Variants in SLF1 observed in about 807,000 individuals in gnomAD.
SLF1 encodes the protein SMC5-SMC6 complex localization factor protein 1.
A neutral mutation model predicts 123.0 loss-of-function variants in SLF1; 105 were observed. That is an observed-to-expected ratio of 0.85 (90% CI 0.73 to 1.00). The LOEUF (loss-of-function observed/expected upper bound fraction) is 1.00. Among genes scored for constraint, SLF1 ranks in the 50% least tolerant of loss-of-function variants. SLF1 has a pLI of 0.00. For synonymous variants in SLF1, 434 were observed against 406.6 expected, an observed-to-expected ratio of 1.07 and a Z score of -0.81; for missense variants, 1,239 against 1,223.0, an observed-to-expected ratio of 1.01 and a Z score of -0.20.
At chr5:94,675,904 A>ATTTTTTTTTTTTTTTTTTTTTTTTT (rs70978120) in intron 14 of SLF1, among the ~76,000 whole-genome samples, 1 of 121,716 alleles carries the variant, frequency 8.2e-6, no homozygotes, top group Non-Finnish European at 1.7e-5. Context: ...CAACTGGTTG[A>ATTTTTTTTTTTTTTTTTTTTTTTTT]TTTTTTTTTT....
chr5:94,693,457 A>G (rs951337507), intron 20 of SLF1, among the ~76,000 whole-genome samples: 1 of 151,992 alleles, frequency 6.6e-6, no homozygotes, highest in African/African-American at 2.4e-5. Context: ...TATACCAACC[A>G]ATGTGAATTT....
intron 16 of SLF1, among the ~76,000 whole-genome samples, chr5:94,686,985 C>G (rs577877579): frequency 1.3e-5 from 2 of 152,212 alleles, no homozygotes; most frequent in Admixed American, 1.3e-4. Flanking sequence ...GACGGGGTCT[C>G]GATCTCCTGA....
chr5:94,623,473 C>CT (rs1261017957), intron 1 of SLF1, among the ~76,000 whole-genome samples: 5 of 151,802 alleles, frequency 3.3e-5, no homozygotes, highest in Admixed American at 3.3e-4. Flanking sequence ...GTCATGCTCT[C>CT]TTTTTTGCTT....
In SLF1 at chr5:94,687,572, G is replaced by A. The variant is rs1015282556; in HGVS notation, c.2121+854G>A. 2.0e-5 allele frequency among the ~76,000 whole-genome samples: 3 copies of A among 152,190 alleles called. No individual in the cohort carries two copies. The South Asian group carries it at 6.2e-4, about 32-fold the overall frequency. ...TAGCTGGGCATGGTGGCACATGCCTGTGGTCCCAGCTACTCGGGAGGCTGA... is the reference window on the plus strand; with the variant it reads ...TAGCTGGGCATGGTGGCACATGCCTATGGTCCCAGCTACTCGGGAGGCTGA... On this transcript the variant is annotated intron_variant, in intron 16 of 20. Transcript: ENST00000265140.
intron 9 of SLF1, among the ~76,000 whole-genome samples, chr5:94,657,339 T>A (rs1355931694): frequency 6.6e-6 from 1 of 152,056 alleles, no homozygotes; most frequent in Non-Finnish European, 1.5e-5. Context: ...TATTTACGTG[T>A]ATTTGTACAG....
chr5:94,679,700 TG>T (rs1446847330), intron 15 of SLF1, among the ~76,000 whole-genome samples: 1 of 152,162 alleles, frequency 6.6e-6, no homozygotes, highest in Non-Finnish European at 1.5e-5. Flanking sequence ...GTAATTTATA[TG>T]GATAATTTTT....
chr5:94,648,274 A>G (rs977452510), intron 5 of SLF1, among the ~76,000 whole-genome samples: 4 of 152,234 alleles, frequency 2.6e-5, no homozygotes, highest in Non-Finnish European at 5.9e-5. Context: ...AAGAAATTCA[A>G]TCAGCTATTC....
Position 94,695,143 on chromosome 5 carries a change from A to C in SLF1, c.3008A>C (p.His1003Pro). ...AGTCATAAAGAAACCACCAGTGTTC[A>C]TACTGACTGGTTACTGGATCTTTAT... The part of the protein sequence containing the change: ...CKSHKETTSV[H>P]TDWLLDLYAG... The change falls in exon 21 of 21, where the codon CAT becomes CCT. Residue 1003 changes from histidine (H) to proline (P), a missense_variant. Transcript: ENST00000265140. 1 of 1,612,840 alleles carries C rather than the reference A, an allele frequency of 6.2e-7. No individual in the cohort carries two copies. Among genetic ancestry groups the C allele is most frequent in the Non-Finnish European group, 8.5e-7 (1 of 1,179,184 alleles).
chr5:94,622,985 A>G (rs1482004915), intron 1 of SLF1, among the ~76,000 whole-genome samples: 1 of 152,094 alleles, frequency 6.6e-6, no homozygotes, highest in Non-Finnish European at 1.5e-5. Context: ...TTGCCTCTCA[A>G]ACCAGACTTT....
At chr5:94,625,608 C>T (rs1207055108) in intron 1 of SLF1, among the ~76,000 whole-genome samples, 2 of 152,018 alleles carry the variant, frequency 1.3e-5, no homozygotes, top group Non-Finnish European at 2.9e-5. Flanking sequence ...GTCTCGAACT[C>T]CTGACCTCAG....
chr5:94,622,618 A>G (rs1028036216), intron 1 of SLF1, among the ~76,000 whole-genome samples: 1 of 152,160 alleles, frequency 6.6e-6, no homozygotes, highest in Non-Finnish European at 1.5e-5. Context: ...TAATCTTTCT[A>G]TATACTTTGT....
chr5:94,655,850 T>G (rs1332795662), intron 9 of SLF1, among the ~76,000 whole-genome samples: 4 of 152,112 alleles, frequency 2.6e-5, no homozygotes, highest in Admixed American at 6.5e-5. Context: ...ATTTTTTTTT[T>G]GTCAAGTCTT....
chr5:94,648,057 T>C (rs1312779979), intron 5 of SLF1, among the ~76,000 whole-genome samples: 1 of 152,172 alleles, frequency 6.6e-6, no homozygotes, highest in Non-Finnish European at 1.5e-5. Context: ...CATCCTGTAT[T>C]CTGGACATTT....
At chr5:94,641,460 G>A (rs1746439955) in intron 4 of SLF1, among the ~76,000 whole-genome samples, 1 of 152,154 alleles carries the variant, frequency 6.6e-6, no homozygotes, top group African/African-American at 2.4e-5. Flanking sequence ...TTCTGTTAGA[G>A]CAGCAGAAAA....
At chr5:94,688,809 A>G (rs1752740684) in intron 17 of SLF1, 140 bp downstream of exon 17, 2 of 909,648 alleles carry the variant, frequency 2.2e-6, no homozygotes, top group South Asian at 3.0e-5. Flanking sequence ...GATCTATTTG[A>G]TCAACATTTT....
At position 94,651,789 on chromosome 5, in the gene SLF1, G is replaced by T; in HGVS notation, c.826G>T (p.Asp276Tyr). 3 of 1,516,412 alleles carry T rather than the reference G, an allele frequency of 2.0e-6. No homozygotes were observed. Among genetic ancestry groups the T allele is most frequent in the East Asian group, 2.5e-5 (1 of 39,730 alleles). The allele number at this position is 1,516,412 out of a possible 1,614,324, so 93.9% of individuals were successfully genotyped here. Residue 276 changes from aspartate (D) to tyrosine (Y), a missense_variant, in exon 7 of 21, where the codon GAT becomes TAT. Physicochemically the swap from Asp to Tyr is radical, Grantham distance 160 (BLOSUM62 -3). Transcript: ENST00000265140. ...KKEKFSGSSK[D>Y]LKFVKMRNTF... ...AGAAAAATTCAGTGGTTCCAGTAAA[G>T]ATTTGAAATTTGTTAAAATGAGAAA... is the stretch of plus-strand genomic sequence containing the variant.
rs1283402039 is a variant in SLF1, at chr5:94,692,138, A to G, written c.2577A>G (p.Glu859=). 1.9e-6 allele frequency: 3 copies of G among 1,613,796 alleles called. No homozygotes were observed. In the African/African-American group the frequency reaches 4.0e-5, roughly 22 times the overall value. The stretch of plus-strand genomic sequence containing the variant: ...ATGGCAACACAGTGTGTGTCCAGGA[A>G]ATTTTGCAACGTTGTCCAGAGGTAG... ...CNYGNTVCVQ[E]ILQRCPEVDL... Residue 859 remains glutamate (E), a synonymous_variant, in exon 20 of 21, where the codon GAA becomes GAG. Coordinates refer to ENST00000265140, the MANE Select transcript of SLF1 (RefSeq NM_032290.4).
At chr5:94,690,375 A>G (rs553928122) in intron 18 of SLF1, among the ~76,000 whole-genome samples, 3 of 152,330 alleles carry the variant, frequency 2.0e-5, no homozygotes, top group Non-Finnish European at 4.4e-5. Context: ...TCATAATTGC[A>G]TATTACAGAT....
intron 12 of SLF1, among the ~76,000 whole-genome samples, chr5:94,668,492 C>A (rs745521391): frequency 4.6e-5 from 7 of 152,102 alleles, no homozygotes; most frequent in Non-Finnish European, 8.8e-5. Context: ...CGCCACCACG[C>A]CTTGCTGATT....
Sources: allele counts gnomAD v4.1 joint callset (sites outside exome capture counted in the v4.1 genomes callset), GRCh38; gene constraint gnomAD v4.1.1; transcripts MANE v1.5; gene names NCBI Gene and HGNC (gene_info 2026-07-23, HGNC 2026-07-21).